FRS2: variants seen among roughly 807,000 people sequenced by gnomAD.
FRS2 encodes the protein fibroblast growth factor receptor substrate 2.
Under a neutral mutation model 43.9 loss-of-function variants are expected in FRS2, and 8 were observed. The observed-to-expected ratio is 0.18, with a 90% CI of 0.11 to 0.33. The LOEUF is 0.33. FRS2 is among the 10% of genes least tolerant of loss of function. The pLI is 1.00. For synonymous variants in FRS2, 219 were observed against 220.3 expected, an observed-to-expected ratio of 0.99 and a Z score of 0.05; for missense variants, 534 against 627.6, an observed-to-expected ratio of 0.85 and a Z score of 1.59.
intron 3 of FRS2, 49 bp from the exon 4 acceptor site, chr12:69,562,131 A>G: frequency 2.5e-6 from 1 of 396,976 alleles, no homozygotes; most frequent in Non-Finnish European, 4.4e-6. Flanking sequence ...CATAAGGAAT[A>G]TTATTCTTTA....
At chr12:69,470,759 T>C (rs1870193104) in intron 1 of FRS2, among the ~76,000 whole-genome samples, 1 of 152,082 alleles carries the variant, frequency 6.6e-6, no homozygotes, top group South Asian at 2.1e-4. Flanking sequence ...CCCAGAGCTG[T>C]TGTTGCTGTT....
chr12:69,513,121 C>T (rs1874623671), intron 1 of FRS2, among the ~76,000 whole-genome samples: 1 of 148,138 alleles, frequency 6.8e-6, no homozygotes, highest in Non-Finnish European at 1.5e-5. Flanking sequence ...TCTCCTCCCG[C>T]CCCCAAATCT....
intron 1 of FRS2, among the ~76,000 whole-genome samples, chr12:69,484,095 C>CTTTTTCTTTTTT (rs1871600831): frequency 6.7e-6 from 1 of 149,264 alleles, no homozygotes. Context: ...GCTTTTCTTT[C>CTTTTTCTTTTTT]TTTTTTTTTG....
At chr12:69,563,325 G>A (rs1313636065) in intron 4 of FRS2, among the ~76,000 whole-genome samples, 1 of 152,152 alleles carries the variant, frequency 6.6e-6, no homozygotes, top group Non-Finnish European at 1.5e-5. Flanking sequence ...TCAGGAATTG[G>A]AAGATTGGCC....
intron 1 of FRS2, among the ~76,000 whole-genome samples, chr12:69,508,904 G>T (rs1371660169): frequency 6.6e-6 from 1 of 151,904 alleles, no homozygotes; most frequent in Non-Finnish European, 1.5e-5. Context: ...ATCTTTATAG[G>T]GTATCAGATT....
Position 69,570,504 on chromosome 12 carries a change from T to C in FRS2, c.240T>C (p.Cys80=). 6.2e-7 allele frequency: 1 copy of C among 1,605,462 alleles called. No individual in the cohort carries two copies. Among genetic ancestry groups the C allele is most frequent in the South Asian group, 1.1e-5 (1 of 90,896 alleles). ...NLFSFESGRR[C]QTGQGIFAFK... ...TTTCTTTTGAAAGTGGTCGAAGGTG[T>C]CAAACTGGACAAGGTAGAACCTTTG... The change falls in exon 6 of 9, where the codon TGT becomes TGC. Residue 80 remains cysteine (C), a synonymous_variant. Transcript: ENST00000549921.
intron 1 of FRS2, among the ~76,000 whole-genome samples, chr12:69,495,378 C>T (rs1872785513): frequency 6.6e-6 from 1 of 152,228 alleles, no homozygotes; most frequent in African/African-American, 2.4e-5. Flanking sequence ...TCAGCTTACT[C>T]ATGCCTGGTG....
chr12:69,533,556 T>A (rs1233800249), intron 3 of FRS2, among the ~76,000 whole-genome samples: 8 of 151,866 alleles, frequency 5.3e-5, no homozygotes, highest in Non-Finnish European at 1.2e-4. Context: ...TCCATGTTGG[T>A]CAGGCTGGTC....
At chr12:69,532,753 T>A (rs1157007080) in intron 3 of FRS2, among the ~76,000 whole-genome samples, 1 of 152,218 alleles carries the variant, frequency 6.6e-6, no homozygotes, top group African/African-American at 2.4e-5. Context: ...CTTTTTAAAA[T>A]AAGTATTAAT....
At chr12:69,489,602 G>A (rs779931391) in intron 1 of FRS2, among the ~76,000 whole-genome samples, 34 of 151,360 alleles carry the variant, frequency 2.2e-4, no homozygotes, top group Non-Finnish European at 4.4e-4. Flanking sequence ...CCCAGGAGGC[G>A]GAAATTGCAG....
chr12:69,490,003 G>A (rs568865621), intron 1 of FRS2, among the ~76,000 whole-genome samples: 12 of 151,664 alleles, frequency 7.9e-5, no homozygotes, highest in African/African-American at 2.9e-4. Flanking sequence ...AAAAAAATAG[G>A]TCGTCAAGTC....
At chr12:69,508,592 T>C (rs996592008) in intron 1 of FRS2, among the ~76,000 whole-genome samples, 1 of 152,220 alleles carries the variant, frequency 6.6e-6, no homozygotes. Flanking sequence ...AATTTGTATT[T>C]TAAAATTAAA....
chr12:69,523,244 C>G (rs747406285), intron 1 of FRS2, among the ~76,000 whole-genome samples: 21 of 152,176 alleles, frequency 1.4e-4, no homozygotes, highest in Admixed American at 2.6e-4. Context: ...TAAGAACCTG[C>G]TTTATGAATC....
intron 3 of FRS2, among the ~76,000 whole-genome samples, chr12:69,557,630 G>A (rs923559751): frequency 1.1e-4 from 16 of 147,064 alleles, no homozygotes; most frequent in African/African-American, 2.4e-4. Context: ...GCGCGCGCGC[G>A]CGCGCGCAGG....
chr12:69,475,480 A>G (rs544455219), intron 1 of FRS2, among the ~76,000 whole-genome samples: 17 of 151,860 alleles, frequency 1.1e-4, no homozygotes, highest in African/African-American at 3.9e-4. Flanking sequence ...CAGGGAGTAC[A>G]CCCCTCACTC....
chr12:69,490,402 C>G (rs996396824), intron 1 of FRS2, among the ~76,000 whole-genome samples: 3 of 148,940 alleles, frequency 2.0e-5, no homozygotes, highest in Non-Finnish European at 4.4e-5. Flanking sequence ...AGAAAAATTC[C>G]ATTAGAAAAA....
At chr12:69,506,039 C>T (rs1214773397) in intron 1 of FRS2, among the ~76,000 whole-genome samples, 1 of 151,972 alleles carries the variant, frequency 6.6e-6, no homozygotes, top group East Asian at 1.9e-4. Flanking sequence ...CTAAAAATTT[C>T]TCCTAGTGCT....
At chr12:69,560,486 TATTA>T (rs1308238194) in intron 3 of FRS2, among the ~76,000 whole-genome samples, 1 of 152,238 alleles carries the variant, frequency 6.6e-6, no homozygotes, top group African/African-American at 2.4e-5. Context: ...TTTTTGCGTG[TATTA>T]ATTCATAAGT....
chr12:69,508,343 A>G (rs1269151864), intron 1 of FRS2, among the ~76,000 whole-genome samples: 1 of 152,180 alleles, frequency 6.6e-6, no homozygotes, highest in African/African-American at 2.4e-5. Context: ...TACGGCATTT[A>G]AGGAGTGGTT....
Sources: allele counts gnomAD v4.1 joint callset (sites outside exome capture counted in the v4.1 genomes callset), GRCh38; gene constraint gnomAD v4.1.1; transcripts MANE v1.5; gene names NCBI Gene and HGNC (gene_info 2026-07-23, HGNC 2026-07-21).